The following GRM7 variants were observed in gnomAD, a reference collection of about 807,000 sequenced individuals.
The protein encoded by GRM7 is glutamate metabotropic receptor 7, also known as metabotropic glutamate receptor 7.
Under a neutral mutation model 84.5 loss-of-function variants are expected in GRM7, and 35 were observed. The ratio of observed to expected loss-of-function variants is 0.41; its 90% CI spans 0.32 to 0.55. GRM7 has a LOEUF of 0.55. Ranked by LOEUF, GRM7 falls within the 20% of genes least tolerant of loss-of-function variation. GRM7 has a pLI of 0.19. For missense variants in GRM7, 1,003 were observed against 1,194.6 expected, an observed-to-expected ratio of 0.84 and a Z score of 2.36; for synonymous variants, 487 against 455.1, an observed-to-expected ratio of 1.07 and a Z score of -0.89.
intron 7 of GRM7, among the ~76,000 whole-genome samples, chr3:7,562,136 G>A (rs905452947): frequency 6.6e-6 from 1 of 152,082 alleles, no homozygotes; most frequent in Non-Finnish European, 1.5e-5. Context: ...TTTGTAGGAA[G>A]CATTAACCCA....
intron 1 of GRM7, among the ~76,000 whole-genome samples, chr3:7,117,075 A>G (rs1371940450): frequency 3.3e-5 from 5 of 152,158 alleles, no homozygotes; most frequent in African/African-American, 1.2e-4. Flanking sequence ...TGACTTCATC[A>G]CACGCCAAGT....
chr3:7,517,631 C>A (rs983493455), intron 7 of GRM7, among the ~76,000 whole-genome samples: 2 of 152,060 alleles, frequency 1.3e-5, no homozygotes, highest in Admixed American at 6.6e-5. Flanking sequence ...TGACCTCAAG[C>A]AATCACCTGT....
chr3:6,970,417 G>C (rs2125092931), intron 1 of GRM7, among the ~76,000 whole-genome samples: 1 of 152,310 alleles, frequency 6.6e-6, no homozygotes, highest in African/African-American at 2.4e-5. Flanking sequence ...CAACATTTCT[G>C]TAAGGTTGTA....
rs1697934939 is a variant in GRM7 at position 7,454,812 on chromosome 3, A to G, written c.1375+2005A>G. 2.0e-5 allele frequency among the ~76,000 whole-genome samples: 3 copies of G among 152,206 alleles called. No homozygotes were observed. In the South Asian group the frequency reaches 6.2e-4, roughly 31 times the overall value. On this transcript the variant is annotated intron_variant, in intron 6 of 9. Coordinates refer to ENST00000357716, the MANE Select transcript of GRM7 (RefSeq NM_000844.4). ...ATGCAATGGGTAAATATAGAAGTAA[A>G]TTTTACATGTATATTATATATACCA...
chr3:7,676,903 C>T (rs1236907438), intron 8 of GRM7, among the ~76,000 whole-genome samples: 1 of 152,008 alleles, frequency 6.6e-6, no homozygotes, highest in Non-Finnish European at 1.5e-5. Flanking sequence ...TGCACAATAA[C>T]AAATTACCTA....
At chr3:7,590,860 G>T (rs1695749713) in intron 8 of GRM7, among the ~76,000 whole-genome samples, 2 of 152,074 alleles carry the variant, frequency 1.3e-5, no homozygotes, top group South Asian at 4.1e-4. Flanking sequence ...GTCACTTACT[G>T]GTTTGTTCAC....
intron 9 of GRM7, among the ~76,000 whole-genome samples, chr3:7,727,184 T>A (rs1253838911): frequency 6.6e-6 from 1 of 152,188 alleles, no homozygotes; most frequent in Non-Finnish European, 1.5e-5. Flanking sequence ...TTTGACAGGT[T>A]TAAAATGCCC....
chr3:7,558,475 T>C (rs965793653), intron 7 of GRM7, among the ~76,000 whole-genome samples: 1 of 152,090 alleles, frequency 6.6e-6, no homozygotes, highest in African/African-American at 2.4e-5. Flanking sequence ...GCTTCTAGGC[T>C]GTAGGAGAAT....
chr3:6,884,597 T>G (rs1182948719), intron 1 of GRM7, among the ~76,000 whole-genome samples: 1 of 152,114 alleles, frequency 6.6e-6, no homozygotes, highest in East Asian at 1.9e-4. Flanking sequence ...CAATTTTCTT[T>G]TCCTCTTTAT....
At chr3:7,029,335 A>G (rs1161840991) in intron 1 of GRM7, among the ~76,000 whole-genome samples, 1 of 151,932 alleles carries the variant, frequency 6.6e-6, no homozygotes, top group Non-Finnish European at 1.5e-5. Flanking sequence ...AAACAAACAA[A>G]AAAAACATGA....
intron 1 of GRM7, among the ~76,000 whole-genome samples, chr3:7,064,312 C>A (rs1315668035): frequency 6.6e-6 from 1 of 150,572 alleles, no homozygotes; most frequent in Non-Finnish European, 1.5e-5. Flanking sequence ...TTAGCCCCCA[C>A]ATATCAGTGA....
intron 8 of GRM7, among the ~76,000 whole-genome samples, chr3:7,620,961 A>G (rs191786566): frequency 1.3e-5 from 2 of 152,108 alleles, no homozygotes; most frequent in African/African-American, 4.8e-5. Flanking sequence ...AAAGCCTGCC[A>G]TAGAGGAGGG....
chr3:7,582,406 C>T (rs748567411), intron 8 of GRM7, among the ~76,000 whole-genome samples: 6 of 152,078 alleles, frequency 3.9e-5, no homozygotes, highest in Admixed American at 2.6e-4. Context: ...GGGAGACATG[C>T]TTTGTGCAAT....
chr3:7,128,339 G>C (rs953831326), intron 1 of GRM7, among the ~76,000 whole-genome samples: 1 of 151,612 alleles, frequency 6.6e-6, no homozygotes. Context: ...ACTCAAGTTT[G>C]ACTGCTGAAA....
At chr3:7,451,719 G>A (rs992553907) in intron 5 of GRM7, 8 of 152,132 alleles carry the variant, frequency 5.3e-5, no homozygotes, top group Non-Finnish European at 8.8e-5. Context: ...ACCTCACAAA[G>A]TGATGATGAC....
intron 1 of GRM7, among the ~76,000 whole-genome samples, chr3:6,944,373 G>T (rs1044583991): frequency 1.3e-5 from 2 of 152,050 alleles, no homozygotes; most frequent in African/African-American, 4.8e-5. Flanking sequence ...TTTTCTCATA[G>T]TTTTTTATCA....
chr3:7,675,071 A>T (rs1229464665), intron 8 of GRM7, among the ~76,000 whole-genome samples: 1 of 152,224 alleles, frequency 6.6e-6, no homozygotes, highest in Non-Finnish European at 1.5e-5. Context: ...TTTTATATAG[A>T]TAAAAGTGGT....
chr3:7,097,988 C>G (rs1349285342), intron 1 of GRM7, among the ~76,000 whole-genome samples: 1 of 152,054 alleles, frequency 6.6e-6, no homozygotes, highest in Non-Finnish European at 1.5e-5. Flanking sequence ...ATCCTGATGA[C>G]ACACACTAAA....
chr3:7,731,179 G>GT (rs1702319674), intron 9 of GRM7, among the ~76,000 whole-genome samples: 1 of 151,440 alleles, frequency 6.6e-6, no homozygotes, highest in South Asian at 2.1e-4. Context: ...TTTTGGCCAT[G>GT]TTTAGATGCA....
Sources: allele counts gnomAD v4.1 joint callset (sites outside exome capture counted in the v4.1 genomes callset), GRCh38; gene constraint gnomAD v4.1.1; transcripts MANE v1.5; gene names NCBI Gene and HGNC (gene_info 2026-07-23, HGNC 2026-07-21).